MAP7D2: variants seen among roughly 807,000 people sequenced by gnomAD.
MAP7D2 encodes MAP7 domain containing 2, also known as MAP7 domain-containing protein 2.
In MAP7D2, 33 loss-of-function variants were observed where a neutral mutation model predicts 63.5. The ratio of observed to expected loss-of-function variants is 0.52; its 90% CI spans 0.39 to 0.70. MAP7D2 has a LOEUF of 0.70. Among genes scored for constraint, MAP7D2 ranks in the 30% least tolerant of loss-of-function variants. The probability of loss-of-function intolerance (pLI) is 0.00; values close to 1 mark genes in which losing one functional copy is unlikely to be tolerated. For missense variants in MAP7D2, 626 were observed against 604.0 expected (o/e 1.04, Z -0.38); for synonymous variants, 224 against 223.7 (o/e 1.00, Z -0.01).
At chrX:20,034,986 G>T (rs960883810) in intron 8 of MAP7D2, among the ~76,000 whole-genome samples, 5 of 111,546 alleles carry the variant, frequency 4.5e-5, no homozygotes, top group Non-Finnish European at 7.5e-5. Context: ...CCTTCTCAGA[G>T]AATCCTTTCC....
intron 16 of MAP7D2, among the ~76,000 whole-genome samples, chrX:20,009,663 C>CAAAAAAAAAAA (rs35018861): frequency 1.1e-4 from 2 of 17,733 alleles, no homozygotes; most frequent in African/African-American, 2.5e-4. Flanking sequence ...GATTCCATCT[C>CAAAAAAAAAAA]AAAAAAAAAA....
At chrX:20,079,099 T>C (rs921897162) in intron 1 of MAP7D2, among the ~76,000 whole-genome samples, 2 of 111,065 alleles carry the variant, frequency 1.8e-5, no homozygotes, top group African/African-American at 6.5e-5. Flanking sequence ...ACCTGCCATA[T>C]GTTGTTAGTG....
chrX:20,030,458 T>C (rs1444575193), intron 8 of MAP7D2, among the ~76,000 whole-genome samples: 1 of 112,224 alleles, frequency 8.9e-6, no homozygotes, highest in Non-Finnish European at 1.9e-5. Flanking sequence ...CAGTATGATA[T>C]AACCTTTTAG....
intron 1 of MAP7D2, among the ~76,000 whole-genome samples, chrX:20,073,231 T>C (rs775874440): frequency 8.9e-6 from 1 of 112,063 alleles, no homozygotes; most frequent in East Asian, 2.8e-4. Context: ...ACCTATGTGG[T>C]ACATGTGAGT....
chrX:20,054,138 C>T (rs975383984), intron 4 of MAP7D2, among the ~76,000 whole-genome samples: 15 of 111,947 alleles, frequency 1.3e-4, no homozygotes, highest in Non-Finnish European at 1.9e-4. Flanking sequence ...GCACCTGGCC[C>T]GGTAATTTTT....
intron 1 of MAP7D2, among the ~76,000 whole-genome samples, chrX:20,067,605 T>C (rs1304605695): frequency 9.0e-6 from 1 of 111,688 alleles, no homozygotes; most frequent in Non-Finnish European, 1.9e-5. Context: ...CAGATTCCAA[T>C]GCAAGAAACT....
chrX:20,048,472 G>A (rs889330764), intron 6 of MAP7D2, among the ~76,000 whole-genome samples: 20 of 110,954 alleles, frequency 1.8e-4, no homozygotes, highest in Non-Finnish European at 3.6e-4. Flanking sequence ...GACTTTGCTT[G>A]CATCCTTTCA....
chrX:20,048,988 A>G (rs1199605254), intron 6 of MAP7D2, among the ~76,000 whole-genome samples: 1 of 109,774 alleles, frequency 9.1e-6, no homozygotes, highest in African/African-American at 3.3e-5. Flanking sequence ...TACACATACA[A>G]TTTGGAGGTT....
At chrX:20,017,487 T>C (rs1319836727) in intron 10 of MAP7D2, among the ~76,000 whole-genome samples, 2 of 112,506 alleles carry the variant, frequency 1.8e-5, no homozygotes, top group East Asian at 5.5e-4. Flanking sequence ...GCTTCAGAAC[T>C]TGTGCAGGCT....
intron 1 of MAP7D2, among the ~76,000 whole-genome samples, chrX:20,065,963 C>T (rs1012425302): frequency 8.5e-5 from 9 of 106,159 alleles, no homozygotes; most frequent in Non-Finnish European, 1.6e-4. Context: ...TCGCCCAGGC[C>T]GGACTGCGGA....
intron 1 of MAP7D2, among the ~76,000 whole-genome samples, chrX:20,087,619 T>C (rs2065942255): frequency 8.9e-6 from 1 of 112,245 alleles, no homozygotes; most frequent in Non-Finnish European, 1.9e-5. Flanking sequence ...TTCTAATTCA[T>C]TTAAGGAAAG....
intron 8 of MAP7D2, among the ~76,000 whole-genome samples, chrX:20,033,324 T>C (rs769115241): frequency 2.7e-5 from 3 of 112,214 alleles, no homozygotes; most frequent in Non-Finnish European, 5.6e-5. Flanking sequence ...TCTAAGAATA[T>C]AAAACCATTA....
At chrX:20,072,863 T>C (rs1277916516) in intron 1 of MAP7D2, among the ~76,000 whole-genome samples, 2 of 112,283 alleles carry the variant, frequency 1.8e-5, no homozygotes, top group Non-Finnish European at 3.8e-5. Flanking sequence ...ATGGGAGACA[T>C]TGTGAAACAC....
chrX:20,068,779 C>G (rs2065423346), intron 1 of MAP7D2, among the ~76,000 whole-genome samples: 1 of 112,093 alleles, frequency 8.9e-6, no homozygotes, highest in South Asian at 3.8e-4. Context: ...CAAATCTCAT[C>G]TTGAATTGTA....
Position 20,042,554 on chromosome X carries a change from A to G in MAP7D2, c.955T>C (p.Cys319Arg), listed in dbSNP as rs777156000. The G allele has an allele frequency of 2.5e-6, 3 of 1,211,182 alleles. No individual in the cohort carries two copies. Among genetic ancestry groups the G allele is most frequent in the Admixed American group, 2.2e-5 (1 of 46,012 alleles). ...TTAGGAATGCCTCCAGAAAACTCAC[A>G]TCTTCTCAGAGGGGACCCGAAGTTC... ...VVNFGSPLRR[C>R]EFSGGIPKRP... The change falls in exon 8 of 17, where the codon TGT becomes CGT. Residue 319 changes from cysteine (C) to arginine (R), a missense_variant. Cys to Arg is a radical substitution (Grantham distance 180). Transcript: ENST00000379643.
intron 8 of MAP7D2, among the ~76,000 whole-genome samples, chrX:20,037,959 G>A (rs994941964): frequency 2.7e-5 from 3 of 111,465 alleles, no homozygotes; most frequent in Non-Finnish European, 3.8e-5. Context: ...TGAACAAAGT[G>A]GCCACGGTGG....
chrX:20,111,123 A>G (rs1031916524), intron 1 of MAP7D2, among the ~76,000 whole-genome samples: 1 of 111,671 alleles, frequency 9.0e-6, no homozygotes, highest in Non-Finnish European at 1.9e-5. Context: ...CATCTTGGAC[A>G]TTTCGAGCCC....
intron 10 of MAP7D2, among the ~76,000 whole-genome samples, chrX:20,022,963 G>A (rs1007516905): frequency 4.1e-4 from 46 of 111,468 alleles, no homozygotes; most frequent in Middle Eastern, 4.6e-3. Flanking sequence ...GGTGTGGCTG[G>A]GGAAATGAAT....
intron 12 of MAP7D2, among the ~76,000 whole-genome samples, 199 bp from the exon 13 acceptor site, chrX:20,013,824 G>T (rs1174219951): frequency 8.9e-6 from 1 of 112,541 alleles, no homozygotes; most frequent in Non-Finnish European, 1.9e-5. Context: ...AAGGTCAAAT[G>T]CTTGAGAAGT....
Sources: gnomAD v4.1 joint callset for allele counts (sites outside exome capture counted in the v4.1 genomes callset) on GRCh38, gnomAD v4.1.1 for gene constraint, MANE v1.5 for transcripts, NCBI Gene and HGNC (gene_info 2026-07-23, HGNC 2026-07-21) for gene names.